The following SMYD4 variants were observed in gnomAD, a reference collection of about 807,000 sequenced individuals.
SMYD4 encodes SET and MYND domain containing 4, also known as protein-lysine N-methyltransferase SMYD4.
In SMYD4, 68 loss-of-function variants were observed where a neutral mutation model predicts 72.8. The ratio of observed to expected loss-of-function variants is 0.93; its 90% CI spans 0.77 to 1.14. The LOEUF (loss-of-function observed/expected upper bound fraction) is 1.14. Ranked by LOEUF, SMYD4 falls within the 50% of genes most tolerant of loss-of-function variation. The probability of loss-of-function intolerance (pLI) is 0.00; values close to 1 mark genes in which losing one functional copy is unlikely to be tolerated. For synonymous variants in SMYD4, 407 were observed against 388.6 expected, an observed-to-expected ratio of 1.05 and a Z score of -0.56; for missense variants, 984 against 1,003.7, an observed-to-expected ratio of 0.98 and a Z score of 0.27.
rs1909652588 is a variant in SMYD4 at position 1,800,333 on chromosome 17, A to C, written c.1061T>G (p.Leu354Trp). ...LGVFCHIALR[L>W]TLLVGFEDVR... ...ATCCTCAAATCCCACCAAAAGAGTC[A>C]ACCTCAGGGCAATGTGGCAAAAGAC... Residue 354 changes from leucine to tryptophan, a missense_variant, in exon 5 of 11, where the codon TTG becomes TGG. Leu to Trp is a moderately conservative substitution (Grantham distance 61). Transcript: ENST00000305513. 1.2e-6 allele frequency: 2 copies of C among 1,614,134 alleles called. No individual in the cohort carries two copies. The highest frequency in any genetic ancestry group is 1.7e-6 in the Non-Finnish European group (2 of 1,180,028).
At chr17:1,826,134 G>C (rs1029228620) in intron 2 of SMYD4, among the ~76,000 whole-genome samples, 5 of 152,008 alleles carry the variant, frequency 3.3e-5, no homozygotes, top group Non-Finnish European at 7.4e-5. Context: ...ATGAACAAGA[G>C]AATAAAGACA....
At chr17:1,801,748 G>A (rs1437730685) in intron 4 of SMYD4, among the ~76,000 whole-genome samples, 7 of 151,044 alleles carry the variant, frequency 4.6e-5, no homozygotes, top group East Asian at 2.0e-4. Context: ...AGGCCGAGGC[G>A]AGCAGATCAC....
chr17:1,794,101 A>ATG (rs1909252446), intron 5 of SMYD4, among the ~76,000 whole-genome samples: 2 of 16,758 alleles, frequency 1.2e-4, no homozygotes, highest in South Asian at 1.6e-3. Flanking sequence ...ATATATATAT[A>ATG]TATATTTTTT....
At chr17:1,815,001 G>A (rs912646388) in intron 2 of SMYD4, among the ~76,000 whole-genome samples, 1 of 151,840 alleles carries the variant, frequency 6.6e-6, no homozygotes, top group African/African-American at 2.4e-5. Context: ...CAAAAGGTTT[G>A]TGGTAAACAG....
rs539848492 is a variant in SMYD4, at chr17:1,791,081, C to T, written c.1538-3477G>A. Reference sequence around the variant, plus strand: ...GGTGGAGCTTGCAGTGAGCCGAGATCGCGCCACTGCACTCCAGCCTGGGCT... The same window carrying T: ...GGTGGAGCTTGCAGTGAGCCGAGATTGCGCCACTGCACTCCAGCCTGGGCT... On this transcript the variant is annotated intron_variant, in intron 5 of 10. Coordinates refer to ENST00000305513, the MANE Select transcript of SMYD4 (RefSeq NM_052928.3). Among the ~76,000 whole-genome samples, 122 of 140,986 alleles carry T rather than the reference C, an allele frequency of 8.7e-4. 2 individuals carry two copies. Among genetic ancestry groups the T allele is most frequent in the African/African-American group, 2.8e-3 (108 of 38,290 alleles). 92.5% of individuals were successfully genotyped at this position (140,986 alleles called of 152,430 possible).
chr17:1,804,081 T>C (rs971814356), intron 4 of SMYD4, among the ~76,000 whole-genome samples: 3 of 151,842 alleles, frequency 2.0e-5, no homozygotes, highest in African/African-American at 7.3e-5. Flanking sequence ...TTCACCATTT[T>C]GGCCAGGATG....
At chr17:1,817,846 G>A (rs1910695305) in intron 2 of SMYD4, among the ~76,000 whole-genome samples, 1 of 151,920 alleles carries the variant, frequency 6.6e-6, no homozygotes, top group Non-Finnish European at 1.5e-5. Flanking sequence ...AGGAGATTGA[G>A]ACCATCCTGG....
At chr17:1,817,470 T>C (rs1910669423) in intron 2 of SMYD4, among the ~76,000 whole-genome samples, 1 of 151,890 alleles carries the variant, frequency 6.6e-6, no homozygotes, top group Non-Finnish European at 1.5e-5. Flanking sequence ...GCTTCCTGAG[T>C]AGCTGGGGCT....
chr17:1,786,748 A>T, intron 7 of SMYD4, 62 bp downstream of exon 7: 1 of 1,601,106 alleles, frequency 6.2e-7, no homozygotes, highest in Non-Finnish European at 8.5e-7. Context: ...CTAAACACTG[A>T]TCACCCTTGG....
intron 10 of SMYD4, chr17:1,782,061 G>C (rs1193740923): frequency 6.6e-6 from 1 of 152,178 alleles, no homozygotes; most frequent in Non-Finnish European, 1.5e-5. Flanking sequence ...CAGGGTTGGA[G>C]GTTCCACCCG....
chr17:1,808,001 G>C (rs1910131154), intron 3 of SMYD4, among the ~76,000 whole-genome samples: 1 of 152,118 alleles, frequency 6.6e-6, no homozygotes, highest in Admixed American at 6.6e-5. Context: ...AGTACTGCTT[G>C]GGATATGGAG....
intron 9 of SMYD4, 42 bp from the exon 10 acceptor site, chr17:1,783,200 T>C (rs749725814): frequency 1.2e-6 from 2 of 1,613,720 alleles, no homozygotes; most frequent in South Asian, 2.2e-5. Context: ...AGAACCACTG[T>C]CAACTGTGGA....
chr17:1,819,513 C>T (rs867551553), intron 2 of SMYD4, among the ~76,000 whole-genome samples: 2 of 152,152 alleles, frequency 1.3e-5, no homozygotes, highest in Admixed American at 1.3e-4. Flanking sequence ...TGTAAAGACA[C>T]CTTTCCCTTG....
At chr17:1,798,255 C>T (rs970589712) in intron 5 of SMYD4, among the ~76,000 whole-genome samples, 1 of 151,748 alleles carries the variant, frequency 6.6e-6, no homozygotes, top group African/African-American at 2.4e-5. Context: ...CTCAGCCTCC[C>T]AAGTGGCTGG....
intron 3 of SMYD4, among the ~76,000 whole-genome samples, chr17:1,807,355 C>T (rs1272357879): frequency 6.7e-6 from 1 of 150,230 alleles, no homozygotes; most frequent in African/African-American, 2.4e-5. Flanking sequence ...GACAGAGTTT[C>T]GCTCTTTCGC....
At position 1,811,970 on chromosome 17, in the gene SMYD4, C is replaced by T; in HGVS notation, c.279+1G>A. On this transcript the variant is annotated splice_donor_variant, in intron 3 of 10. Coordinates refer to ENST00000305513, the MANE Select transcript of SMYD4 (RefSeq NM_052928.3). LOFTEE classifies it high-confidence loss of function. Reference sequence around the variant, plus strand: ...AATTGCTTGAGCTGGGAGTGTTTTACCTTAGAGTACAGCACTGCAGCTCCT... The same window carrying T: ...AATTGCTTGAGCTGGGAGTGTTTTATCTTAGAGTACAGCACTGCAGCTCCT... 5 of 1,611,458 alleles carry T rather than the reference C, an allele frequency of 3.1e-6. No homozygotes were observed. Among genetic ancestry groups the T allele is most frequent in the Non-Finnish European group, 4.2e-6 (5 of 1,179,370 alleles).
At chr17:1,815,401 C>A (rs1910537045) in intron 2 of SMYD4, among the ~76,000 whole-genome samples, 1 of 151,664 alleles carries the variant, frequency 6.6e-6, no homozygotes, top group African/African-American at 2.4e-5. Context: ...TGTCTCAATA[C>A]CTTGCCCAGG....
rs1034856740 is a variant in SMYD4 at position 1,805,752 on chromosome 17, C to T, written c.280-1037G>A. On this transcript the variant is annotated intron_variant, in intron 3 of 10. Coordinates refer to ENST00000305513, the MANE Select transcript of SMYD4 (RefSeq NM_052928.3). ...GCTTGGACTCAGGAAGCAGAGGTTGCAGGGAGCTGAGATCATACCACTGCA... is the reference window on the plus strand; with the variant it reads ...GCTTGGACTCAGGAAGCAGAGGTTGTAGGGAGCTGAGATCATACCACTGCA... Among the ~76,000 whole-genome samples the T allele has an allele frequency of 2.0e-5, 3 of 151,488 alleles. No homozygotes were observed. The South Asian group carries it at 6.2e-4, about 31-fold the overall frequency.
chr17:1,798,965 G>T (rs969604807), intron 5 of SMYD4, among the ~76,000 whole-genome samples: 6 of 150,714 alleles, frequency 4.0e-5, no homozygotes, highest in African/African-American at 9.8e-5. Flanking sequence ...ACTTTTTAAA[G>T]AATTTCAAAA....
Sources: allele counts gnomAD v4.1 joint callset (sites outside exome capture counted in the v4.1 genomes callset), GRCh38; gene constraint gnomAD v4.1.1; transcripts MANE v1.5; gene names NCBI Gene and HGNC (gene_info 2026-07-23, HGNC 2026-07-21).